The following SCML4 variants were observed in gnomAD, a reference collection of about 807,000 sequenced individuals.
The protein encoded by SCML4 is Scm polycomb group protein like 4.
SCML4 carries 34 observed loss-of-function variants against 41.1 expected under a neutral mutation model. The ratio of observed to expected loss-of-function variants is 0.83; its 90% CI spans 0.63 to 1.10. The LOEUF is 1.10. SCML4 is among the 50% of genes least tolerant of loss of function. The probability of loss-of-function intolerance (pLI) is 0.00; values close to 1 mark genes in which losing one functional copy is unlikely to be tolerated. For synonymous variants in SCML4, 214 were observed against 220.9 expected (o/e 0.97, Z 0.28); for missense variants, 522 against 534.1 (o/e 0.98, Z 0.22).
chr6:107,820,860 G>A (rs1170955096), intron 1 of SCML4, among the ~76,000 whole-genome samples: 1 of 149,344 alleles, frequency 6.7e-6, no homozygotes, highest in African/African-American at 2.6e-5. Context: ...AGAAAAAAAA[G>A]AAGAAGAAGG....
rs1326344445 is a variant in SCML4, at chr6:107,707,356, A to C, written c.1119+510T>G. On this transcript the variant is annotated intron_variant, in intron 7 of 7. Transcript: ENST00000369020. ...ATGCATATAGTAAGCCTGGCAGGTAAATTATTGATTCTTATCTTTAAAAAA... is the reference window on the plus strand; with the variant it reads ...ATGCATATAGTAAGCCTGGCAGGTACATTATTGATTCTTATCTTTAAAAAA... Among the ~76,000 whole-genome samples, 5 of 122,790 alleles carry C rather than the reference A, an allele frequency of 4.1e-5. No individual in the cohort carries two copies. The Admixed American group carries it at 4.7e-4, about 11-fold the overall frequency. The allele number at this position is 122,790 out of a possible 152,430, so 80.6% of individuals were successfully genotyped here.
intron 1 of SCML4, among the ~76,000 whole-genome samples, chr6:107,790,501 T>C (rs1583593062): frequency 6.6e-6 from 1 of 152,334 alleles, no homozygotes; most frequent in African/African-American, 2.4e-5. Context: ...GATTATTTTC[T>C]AGGTCTTCTC....
At position 107,720,895 on chromosome 6, in the gene SCML4, A is replaced by T; in HGVS notation, c.781T>A (p.Leu261Met). Reference sequence around the variant, plus strand: ...CAGTACAGCGAGGAGGAGGGGTGCAAGGAGCCCCTGTGGTTAAAGGTGGAG... The same window carrying T: ...CAGTACAGCGAGGAGGAGGGGTGCATGGAGCCCCTGTGGTTAAAGGTGGAG... ...SASTFNHRGS[L>M]HPSSSLYCKR... Residue 261 changes from leucine to methionine, a missense_variant, in exon 6 of 8, where the codon TTG (leucine) becomes ATG (methionine). Leu to Met is a conservative substitution (Grantham distance 15). Transcript: ENST00000369020. The T allele has an allele frequency of 6.2e-7, 1 of 1,614,162 alleles. No homozygotes were observed. Among genetic ancestry groups the T allele is most frequent in the Non-Finnish European group, 8.5e-7 (1 of 1,180,018 alleles).
In SCML4 at chr6:107,703,029, C is replaced by G. The variant is rs1299980149; in HGVS notation, c.*2171G>C. Among the ~76,000 whole-genome samples the G allele has an allele frequency of 6.6e-6, 1 of 152,200 alleles. No individual in the cohort carries two copies. The highest frequency in any genetic ancestry group is 1.9e-4 in the East Asian group (1 of 5,202). On this transcript the variant is annotated 3_prime_UTR_variant, in exon 8 of 8. Coordinates refer to ENST00000369020, the MANE Select transcript of SCML4 (RefSeq NM_198081.5). The stretch of plus-strand genomic sequence containing the variant: ...ACCTCTGGTTGTCCTCGCTGCTATA[C>G]TACCACCAGTGCCATGACGGTTTAC...
intron 2 of SCML4, 107 bp from the exon 3 acceptor site, chr6:107,749,920 C>T (rs1778472286): frequency 1.8e-6 from 2 of 1,126,082 alleles, no homozygotes; most frequent in Non-Finnish European, 2.6e-6. Flanking sequence ...ATCATGCTTC[C>T]ACACCTTTCC....
chr6:107,783,886 G>C (rs1362796719), intron 1 of SCML4, among the ~76,000 whole-genome samples: 2 of 152,130 alleles, frequency 1.3e-5, no homozygotes, highest in Admixed American at 1.3e-4. Context: ...CCTGGTCCAT[G>C]GCTCCAGCTC....
intron 6 of SCML4, among the ~76,000 whole-genome samples, chr6:107,717,430 C>T (rs1283102169): frequency 6.6e-6 from 1 of 152,178 alleles, no homozygotes; most frequent in Non-Finnish European, 1.5e-5. Context: ...CAGCTTTTCT[C>T]CAAAGAGGTT....
chr6:107,746,170 C>A lies in SCML4; in HGVS notation c.487+519G>T, dbSNP rs117136221. 4.3e-3 allele frequency: 653 copies of A among 153,000 alleles called. 9 individuals are homozygous for A. The East Asian group carries it at 0.063, about 15-fold the overall frequency. 9.5% of individuals were successfully genotyped at this position (153,000 alleles called of 1,614,324 possible). On this transcript the variant is annotated intron_variant, in intron 4 of 7. Transcript: ENST00000369020. ...GAGTGGGGAACAAGAGAGAAGTAAC[C>A]AAGAAATTAAAGAGGTAGCCAGGGC...
chr6:107,786,996 C>T (rs371310656), intron 1 of SCML4, among the ~76,000 whole-genome samples: 4 of 152,180 alleles, frequency 2.6e-5, no homozygotes, highest in African/African-American at 7.2e-5. Flanking sequence ...TACATGAGAT[C>T]ACCCATTAGT....
At chr6:107,718,217 A>C (rs1775022566) in intron 6 of SCML4, among the ~76,000 whole-genome samples, 1 of 152,194 alleles carries the variant, frequency 6.6e-6, no homozygotes, top group Non-Finnish European at 1.5e-5. Flanking sequence ...GTTGGAGATA[A>C]TTGAATCATG....
In SCML4 at chr6:107,707,892, G is replaced by C; in HGVS notation, c.1093C>G (p.Pro365Ala). Residue 365 changes from proline (P) to alanine (A), a missense_variant, in exon 7 of 8, where the codon CCT becomes GCT. Physicochemically the swap from Pro to Ala is conservative, Grantham distance 27. Transcript: ENST00000369020. ...VKDADPQALG[P>A]HVELFRKHEI... ...TGCTTTCTGAAGAGCTCCACGTGAG[G>C]CCCCAGAGCCTGTGGGTCGGCGTCC... 4 of 1,551,686 alleles carry C rather than the reference G, an allele frequency of 2.6e-6. No individual in the cohort carries two copies. The highest frequency in any genetic ancestry group is 3.5e-6 in the Non-Finnish European group (4 of 1,147,002).
chr6:107,751,646 C>CTTTCTTTCTTTCTTTCTTTCT (rs1425350341), intron 2 of SCML4, among the ~76,000 whole-genome samples: 7 of 103,648 alleles, frequency 6.8e-5, no homozygotes, highest in Admixed American at 1.0e-4. Flanking sequence ...TTCTTTCTTT[C>CTTTCTTTCTTTCTTTCTTTCT]TTTTTTGAGA....
At chr6:107,827,736 A>G (rs1214974793), upstream of SCML4, among the ~76,000 whole-genome samples, 6 of 152,078 alleles carry the variant, frequency 3.9e-5, no homozygotes. Flanking sequence ...CTCTCTCCAC[A>G]CGAGTGCTAC....
At chr6:107,707,775 C>G in intron 7 of SCML4, 91 bp downstream of exon 7, 1 of 1,506,848 alleles carries the variant, frequency 6.6e-7, no homozygotes, top group East Asian at 2.5e-5. Flanking sequence ...CACCACCTCC[C>G]CTGGCAGCAT....
chr6:107,759,097 G>A (rs1378004589), intron 2 of SCML4, among the ~76,000 whole-genome samples: 2 of 107,910 alleles, frequency 1.9e-5, no homozygotes, highest in African/African-American at 7.7e-5. Context: ...GACCTGTCTG[G>A]ACAAAATGGC....
At chr6:107,783,898 C>T (rs76714706) in intron 1 of SCML4, among the ~76,000 whole-genome samples, 4,059 of 152,262 alleles carry the variant, frequency 0.027, 188 homozygotes, top group African/African-American at 0.093. Context: ...CTCCAGCTCC[C>T]TCTGAACAGG....
At position 107,705,078 on chromosome 6, in the gene SCML4, G is replaced by A. The variant is rs191786246; in HGVS notation, c.*122C>T. 5.6e-5 allele frequency: 51 copies of A among 903,098 alleles called. No individual in the cohort carries two copies. The African/African-American group carries it at 5.9e-4, about 10-fold the overall frequency. The allele number at this position is 903,098 out of a possible 1,614,324, so 55.9% of individuals were successfully genotyped here. On this transcript the variant is annotated 3_prime_UTR_variant, in exon 8 of 8. Coordinates refer to ENST00000369020, the MANE Select transcript of SCML4 (RefSeq NM_198081.5). ...TTCACAAGTTTTATAAAAAGACCAC[G>A]TCTCTGTGGCTGTTAATTTTAAGAG...
At chr6:107,751,634 CTTTCTTTCT>C (rs1562218996) in intron 2 of SCML4, among the ~76,000 whole-genome samples, 22 of 136,482 alleles carry the variant, frequency 1.6e-4, no homozygotes, top group African/African-American at 5.9e-4. Context: ...TTCTTTCTTT[CTTTCTTTCT>C]TTCTTTTTTG....
intron 2 of SCML4, among the ~76,000 whole-genome samples, chr6:107,766,168 A>G (rs1218427197): frequency 2.6e-5 from 4 of 152,100 alleles, no homozygotes; most frequent in Admixed American, 6.5e-5. Flanking sequence ...TCAGGAGTTC[A>G]AGACCAGGCT....
Sources: allele counts gnomAD v4.1 joint callset (sites outside exome capture counted in the v4.1 genomes callset), GRCh38; gene constraint gnomAD v4.1.1; transcripts MANE v1.5; gene names NCBI Gene and HGNC (gene_info 2026-07-23, HGNC 2026-07-21).